The following LAMA1 variants were observed in gnomAD, a reference collection of about 807,000 sequenced individuals.
The protein encoded by LAMA1 is laminin subunit alpha-1.
LAMA1 carries 219 observed loss-of-function variants against 348.7 expected under a neutral mutation model. The ratio of observed to expected loss-of-function variants is 0.63; its 90% CI spans 0.56 to 0.70. LAMA1 has a LOEUF of 0.70. Among genes scored for constraint, LAMA1 ranks in the 30% least tolerant of loss-of-function variants. The pLI is 0.00. For synonymous variants in LAMA1, 1,487 were observed against 1,491.0 expected, an observed-to-expected ratio of 1.00 and a Z score of 0.06; for missense variants, 3,744 against 3,888.0, an observed-to-expected ratio of 0.96 and a Z score of 0.99.
At chr18:7,068,864 T>C (rs1427610991) in intron 3 of LAMA1, among the ~76,000 whole-genome samples, 1 of 151,794 alleles carries the variant, frequency 6.6e-6, no homozygotes, top group Non-Finnish European at 1.5e-5. Flanking sequence ...TCTTGAGAAA[T>C]TAAAACTTAC....
chr18:6,983,221 T>C lies in LAMA1; in HGVS notation c.5674A>G (p.Ile1892Val), dbSNP rs1436632882. 6.2e-7 allele frequency: 1 copy of C among 1,614,208 alleles called. No homozygotes were observed. The highest frequency in any genetic ancestry group is 8.5e-7 in the Non-Finnish European group (1 of 1,180,044). ...GTGGCATTCAGGGACACATTTCTGA[T>C]GTTTTCAAGGCCACTATCAAAGCAG... Reference protein sequence around the residue: ...ADVLYSGLENIRNVSLNATSA... With the variant: ...ADVLYSGLENVRNVSLNATSA... Residue 1892 changes from isoleucine (I) to valine (V), a missense_variant, in exon 40 of 63, where the codon ATC becomes GTC. Ile to Val is a conservative substitution (Grantham distance 29). Around this residue, in one of 3 missense-constraint regions of LAMA1, gnomAD observed 1,983 missense variants for 1,934.3 expected, o/e 1.03. Coordinates refer to ENST00000389658, the MANE Select transcript of LAMA1 (RefSeq NM_005559.4).
chr18:6,975,307 G>A (rs767963463), intron 45 of LAMA1, among the ~76,000 whole-genome samples: 4 of 152,042 alleles, frequency 2.6e-5, no homozygotes, highest in African/African-American at 9.7e-5. Flanking sequence ...AGGAAAATTC[G>A]CTGCAGGTCA....
At chr18:7,098,582 CGTCTG>C (rs1367374281) in intron 1 of LAMA1, among the ~76,000 whole-genome samples, 1 of 151,154 alleles carries the variant, frequency 6.6e-6, no homozygotes, top group African/African-American at 2.4e-5. Context: ...CCGGCCGCCC[CGTCTG>C]AGAAGTGAGG....
chr18:7,071,011 A>G (rs954161347), intron 3 of LAMA1, among the ~76,000 whole-genome samples: 1 of 152,106 alleles, frequency 6.6e-6, no homozygotes, highest in Non-Finnish European at 1.5e-5. Flanking sequence ...AGAGGACCCT[A>G]CTGAGCAGGC....
In LAMA1 at chr18:7,068,919, C is replaced by T. The variant is rs373357978; in HGVS notation, c.345+11056G>A. Among the ~76,000 whole-genome samples, 329 of 142,630 alleles carry T rather than the reference C, an allele frequency of 2.3e-3. 1 individual carries two copies. Among genetic ancestry groups the T allele is most frequent in the African/African-American group, 9.5e-3 (306 of 32,178 alleles). 93.6% of individuals were successfully genotyped at this position (142,630 alleles called of 152,430 possible). A position where few individuals can be genotyped will look rare whatever the true frequency, so the allele number is the denominator to read the frequency against. On this transcript the variant is annotated intron_variant, in intron 3 of 62. Transcript: ENST00000389658. ...TATAATGGAAGAAATAATTTCAGAA[C>T]GGACTTCCCTTTTTTCCCATAAATA...
chr18:7,115,868 G>C (rs2058354127), intron 1 of LAMA1, among the ~76,000 whole-genome samples: 1 of 150,166 alleles, frequency 6.7e-6, no homozygotes, highest in Non-Finnish European at 1.5e-5. Context: ...TGTAGTCCCA[G>C]CTACTCGGGA....
intron 36 of LAMA1, among the ~76,000 whole-genome samples, chr18:6,991,310 A>T (rs199831651): frequency 1.7e-4 from 16 of 91,904 alleles, no homozygotes; most frequent in East Asian, 5.9e-4. Flanking sequence ...TAAAAAATAT[A>T]AAAAAAAAAT....
At position 6,941,950 on chromosome 18, in the gene LAMA1, C is replaced by A. The variant is rs2057500193; in HGVS notation, c.*129G>T. On this transcript the variant is annotated 3_prime_UTR_variant, in exon 63 of 63. Coordinates refer to ENST00000389658, the MANE Select transcript of LAMA1 (RefSeq NM_005559.4). ...ATGTGGTTTTAGTGTAACGTAAACA[C>A]AACATCTCTCCCCAGAAACACTTAA... 2.5e-6 allele frequency: 3 copies of A among 1,179,934 alleles called. No homozygotes were observed. The highest frequency in any genetic ancestry group is 1.5e-5 in the African/African-American group (1 of 66,850). 73.1% of individuals were successfully genotyped at this position (1,179,934 alleles called of 1,614,324 possible).
At position 6,966,304 on chromosome 18, in the gene LAMA1, A is replaced by G. The variant is rs1440211960; in HGVS notation, c.6900-7T>C. 1 of 1,612,776 alleles carries G rather than the reference A, an allele frequency of 6.2e-7. No homozygotes were observed. The highest frequency in any genetic ancestry group is 1.7e-5 in the Admixed American group (1 of 59,902). ...AGGGTCTTCATTCTGGGAGCTGCAA[A>G]GCAGAAGAGATGAAATAGAATCCAT... On this transcript the variant is annotated splice_region_variant and splice_polypyrimidine_tract_variant and intron_variant, in intron 48 of 62. Coordinates refer to ENST00000389658, the MANE Select transcript of LAMA1 (RefSeq NM_005559.4).
intron 15 of LAMA1, 82 bp from the exon 16 acceptor site, chr18:7,032,258 T>C (rs958124204): frequency 3.4e-6 from 3 of 883,100 alleles, no homozygotes; most frequent in African/African-American, 3.3e-5. Context: ...GAAATGTCTT[T>C]TTTCTTAAAC....
chr18:7,026,092 G>T lies in LAMA1; in HGVS notation c.2289C>A (p.Asn763Lys), dbSNP rs2057941918. 1 of 1,611,348 alleles carries T rather than the reference G, an allele frequency of 6.2e-7. No homozygotes were observed. Among genetic ancestry groups the T allele is most frequent in the Non-Finnish European group, 8.5e-7 (1 of 1,178,698 alleles). The change falls in exon 17 of 63, where the codon AAC becomes AAA. Residue 763 changes from asparagine (N) to lysine (K), a missense_variant. This residue lies in a region of LAMA1 where 1,529 missense variants were observed against 1,689.4 expected (regional missense o/e 0.91). Coordinates refer to ENST00000389658, the MANE Select transcript of LAMA1 (RefSeq NM_005559.4). The part of the protein sequence containing the change: ...VHGVCIACAH[N>K]TTGVHCEQCL... ...ACTGCTCACAGTGGACGCCGGTGGT[G>T]TTGTGCGCACACGCCTAGGAACATG...
In LAMA1 at chr18:7,034,109, C is replaced by T. The variant is rs898108088; in HGVS notation, c.2051+370G>A. ...CTCCCGAAAGTAATCAAATGACCAA[C>T]GATGGATACGTTCACTTAAATGGAC... On this transcript the variant is annotated intron_variant, in intron 14 of 62. Coordinates refer to ENST00000389658, the MANE Select transcript of LAMA1 (RefSeq NM_005559.4). Among the ~76,000 whole-genome samples, 85 of 152,268 alleles carry T rather than the reference C, an allele frequency of 5.6e-4. 1 individual carries two copies. Among genetic ancestry groups the T allele is most frequent in the Middle Eastern group, 3.4e-3 (1 of 294 alleles).
chr18:7,043,881 C>T (rs556010053), intron 7 of LAMA1, among the ~76,000 whole-genome samples: 15 of 152,206 alleles, frequency 9.9e-5, no homozygotes, highest in East Asian at 9.6e-4. Flanking sequence ...GTGGGCTGGG[C>T]GCCATGGCAC....
intron 29 of LAMA1, among the ~76,000 whole-genome samples, chr18:7,005,499 A>G (rs530220604): frequency 6.6e-6 from 1 of 152,358 alleles, no homozygotes; most frequent in South Asian, 2.1e-4. Flanking sequence ...CTGTAATCCC[A>G]GCACCTTGGG....
intron 1 of LAMA1, among the ~76,000 whole-genome samples, chr18:7,098,542 C>A (rs2058273818): frequency 1.3e-5 from 2 of 150,968 alleles, no homozygotes; most frequent in Non-Finnish European, 3.0e-5. Flanking sequence ...CCGGCTGCGA[C>A]CCCGTCTGGG....
intron 56 of LAMA1, chr18:6,955,715 G>C (rs952062858): frequency 1.0e-5 from 6 of 590,602 alleles, no homozygotes; most frequent in Non-Finnish European, 1.9e-5. Flanking sequence ...AAATTCATAA[G>C]GACACTGAAG....
intron 25 of LAMA1, among the ~76,000 whole-genome samples, chr18:7,010,588 G>A (rs538526192): frequency 3.9e-4 from 59 of 152,130 alleles, no homozygotes; most frequent in Admixed American, 1.4e-3. Flanking sequence ...AGTTCCTTTC[G>A]AGAAAACAAA....
rs561863982 is a variant in LAMA1 at position 7,094,178 on chromosome 18, A to G, written c.62-13721T>C. Among the ~76,000 whole-genome samples, 262 of 152,206 alleles carry G rather than the reference A, an allele frequency of 1.7e-3. 5 individuals are homozygous for G. The highest frequency in any genetic ancestry group is 1.6e-3 in the Non-Finnish European group (106 of 68,012). ...GAGTGGGGCTGAGATACTTCGATTT[A>G]ACAAGTTCCCAGGGGATGCTGCACT... On this transcript the variant is annotated intron_variant, in intron 1 of 62. Transcript: ENST00000389658.
chr18:6,942,197 C>T lies in LAMA1; in HGVS notation c.9110G>A (p.Arg3037His), dbSNP rs201185017. 1.3e-4 allele frequency: 202 copies of T among 1,614,152 alleles called. No homozygotes were observed. Among genetic ancestry groups the T allele is most frequent in the Non-Finnish European group, 1.6e-4 (186 of 1,180,040 alleles). Residue 3037 changes from arginine to histidine, a missense_variant, in exon 63 of 63, where the codon CGC becomes CAC. Physicochemically the swap from Arg to His is conservative, Grantham distance 29. Transcript: ENST00000389658. ...CAGAGCTAGCTTCCTCAAACACCCGCGGAACGAGGTCTGGCTGCGCAGGCA... is the reference window on the plus strand; with the variant it reads ...CAGAGCTAGCTTCCTCAAACACCCGTGGAACGAGGTCTGGCTGCGCAGGCA... The part of the protein sequence containing the change: ...QKCLRSQTSF[R>H]GCLRKLALIK...
Sources: gnomAD v4.1 joint callset for allele counts (sites outside exome capture counted in the v4.1 genomes callset) on GRCh38, gnomAD v4.1.1 for gene constraint, gnomAD v4.1.1 regional missense constraint, MANE v1.5 for transcripts, NCBI Gene and HGNC (gene_info 2026-07-23, HGNC 2026-07-21) for gene names.